Variants in ZNF480 observed in about 807,000 individuals in gnomAD.
ZNF480 encodes the protein zinc finger protein 480.
In ZNF480, 15 loss-of-function variants were observed where a neutral mutation model predicts 14.4. The observed-to-expected ratio is 1.04, with a 90% confidence interval of 0.70 to 1.60. The LOEUF is 1.60. ZNF480 is among the 40% of genes most tolerant of loss of function. ZNF480 has a pLI of 0.00. For missense variants in ZNF480, 593 were observed against 629.7 expected (o/e 0.94, Z 0.62); for synonymous variants, 218 against 215.5 (o/e 1.01, Z -0.10).
At chr19:52,304,062 A>G (rs1018111077) in intron 2 of ZNF480, among the ~76,000 whole-genome samples, 1 of 152,210 alleles carries the variant, frequency 6.6e-6, no homozygotes, top group Admixed American at 6.5e-5. Context: ...ATAATATAAC[A>G]CTGAAAATTT....
intron 2 of ZNF480, among the ~76,000 whole-genome samples, chr19:52,309,775 A>T (rs935976352): frequency 6.6e-6 from 1 of 152,122 alleles, no homozygotes; most frequent in African/African-American, 2.4e-5. Flanking sequence ...TTCTCACAAA[A>T]GTCAGTTGGC....
At chr19:52,303,776 G>A (rs1982802257) in intron 2 of ZNF480, among the ~76,000 whole-genome samples, 1 of 152,170 alleles carries the variant, frequency 6.6e-6, no homozygotes, top group Non-Finnish European at 1.5e-5. Flanking sequence ...CATGTCATAG[G>A]TAGGAATGCC....
chr19:52,306,598 T>C (rs1253090143), intron 2 of ZNF480, among the ~76,000 whole-genome samples: 2 of 152,232 alleles, frequency 1.3e-5, no homozygotes, highest in African/African-American at 4.8e-5. Flanking sequence ...GTAGGAATCA[T>C]TTGACTGGAG....
At position 52,325,191 on chromosome 19, in the gene ZNF480, G is replaced by A. The variant is rs1050958580; in HGVS notation, c.*2333G>A. ...TAATATCGCTAATCATTAAGGAAAT[G>A]CAATCAAAGCCACAATGAGATACCA... On this transcript the variant is annotated 3_prime_UTR_variant, in exon 5 of 5. Transcript: ENST00000595962. The A allele has an allele frequency of 6.6e-6, 1 of 152,170 alleles. No individual in the cohort carries two copies. The highest frequency in any genetic ancestry group is 1.5e-5 in the Non-Finnish European group (1 of 68,038). 9.4% of individuals were successfully genotyped at this position (152,170 alleles called of 1,614,324 possible).
At chr19:52,319,541 T>C (rs1261258491) in intron 4 of ZNF480, among the ~76,000 whole-genome samples, 1 of 152,212 alleles carries the variant, frequency 6.6e-6, no homozygotes, top group Non-Finnish European at 1.5e-5. Flanking sequence ...AATTTGCTTA[T>C]AATGTATCTC....
intron 2 of ZNF480, among the ~76,000 whole-genome samples, chr19:52,306,436 C>T (rs946900371): frequency 1.3e-5 from 2 of 152,162 alleles, no homozygotes; most frequent in African/African-American, 2.4e-5. Context: ...CCCCAGCCAC[C>T]GACTCCCAAA....
At chr19:52,301,124 G>A (rs1387365033) in intron 2 of ZNF480, 3 of 152,700 alleles carry the variant, frequency 2.0e-5, no homozygotes, top group Non-Finnish European at 4.4e-5. Flanking sequence ...AAGTGACAAA[G>A]GCAAAGGCTG....
chr19:52,319,253 G>T (rs1161518293), intron 4 of ZNF480, among the ~76,000 whole-genome samples: 1 of 152,120 alleles, frequency 6.6e-6, no homozygotes, highest in African/African-American at 2.4e-5. Context: ...AGGGCTCCCT[G>T]TAGCATTTCT....
At position 52,321,701 on chromosome 19, in the gene ZNF480, T is replaced by G; in HGVS notation, c.451T>G (p.Cys151Gly). Reference sequence around the variant, plus strand: ...TCCAGATGAAAGGGTAATAAATGGATGTAATCAAGTTGAAAACTTTATCAA... The same window carrying G: ...TCCAGATGAAAGGGTAATAAATGGAGGTAATCAAGTTGAAAACTTTATCAA... ...LFPDERVING[C>G]NQVENFINHS... is the part of the protein sequence containing the mutation. Residue 151 changes from cysteine to glycine, a missense_variant, in exon 5 of 5, where the codon TGT (cysteine) becomes GGT (glycine). Transcript: ENST00000595962. The G allele has an allele frequency of 6.2e-7, 1 of 1,614,102 alleles. No homozygotes were observed. The highest frequency in any genetic ancestry group is 8.5e-7 in the Non-Finnish European group (1 of 1,179,968).
rs149465703 is a variant in ZNF480, at chr19:52,320,306, A to G, written c.329-1273A>G. 2.1e-4 allele frequency among the ~76,000 whole-genome samples: 32 copies of G among 152,112 alleles called. No homozygotes were observed. In the East Asian group the frequency reaches 5.8e-3, roughly 28 times the overall value. Reference sequence around the variant, plus strand: ...TTTTTCTGATTTCATTTAGTTGTCTATCTCTCCTTGATATCTTTTAGCTCA... The same window carrying G: ...TTTTTCTGATTTCATTTAGTTGTCTGTCTCTCCTTGATATCTTTTAGCTCA... On this transcript the variant is annotated intron_variant, in intron 4 of 4. Transcript: ENST00000595962.
intron 1 of ZNF480, among the ~76,000 whole-genome samples, chr19:52,298,628 T>C (rs1982535085): frequency 6.8e-6 from 1 of 147,058 alleles, no homozygotes; most frequent in African/African-American, 2.5e-5. Context: ...CAAAACTCCG[T>C]CTCAGGGAAA....
At chr19:52,309,911 T>G (rs1983186652) in intron 2 of ZNF480, among the ~76,000 whole-genome samples, 1 of 152,202 alleles carries the variant, frequency 6.6e-6, no homozygotes, top group African/African-American at 2.4e-5. Flanking sequence ...CTGGAATGTC[T>G]TCTAGTTAGG....
chr19:52,315,988 A>G (rs1983534528), intron 4 of ZNF480, 26 bp downstream of exon 4: 1 of 1,555,908 alleles, frequency 6.4e-7, no homozygotes, highest in Non-Finnish European at 8.7e-7. Flanking sequence ...GGCATGGTGG[A>G]AGCCATGCTG....
chr19:52,315,070 C>T lies in ZNF480; in HGVS notation c.200-764C>T, dbSNP rs12611025. On this transcript the variant is annotated intron_variant, in intron 3 of 4. Transcript: ENST00000595962. ...CTCTGCCTCCCAGGCTTAAGCAATTCGCCTTAGCCTCCCTAGTAACTGGGA... is the reference window on the plus strand; with the variant it reads ...CTCTGCCTCCCAGGCTTAAGCAATTTGCCTTAGCCTCCCTAGTAACTGGGA... Among the ~76,000 whole-genome samples the T allele has an allele frequency of 4.3e-4, 66 of 152,178 alleles. No homozygotes were observed. In the East Asian group the frequency reaches 0.01, roughly 23 times the overall value.
chr19:52,318,971 C>A (rs1376585087), intron 4 of ZNF480, among the ~76,000 whole-genome samples: 1 of 152,006 alleles, frequency 6.6e-6, no homozygotes, highest in African/African-American at 2.4e-5. Context: ...TCAAGTGATT[C>A]TCCTGCCTCA....
chr19:52,315,281 C>T (rs772186035), intron 3 of ZNF480, among the ~76,000 whole-genome samples: 8 of 151,734 alleles, frequency 5.3e-5, no homozygotes, highest in Non-Finnish European at 8.8e-5. Flanking sequence ...TTTCAGATAC[C>T]CACTTCCCTG....
chr19:52,322,491 T>C lies in ZNF480; in HGVS notation c.1241T>C (p.Leu414Pro), dbSNP rs757538014. 16 of 1,613,940 alleles carry C rather than the reference T, an allele frequency of 9.9e-6. No homozygotes were observed. Among genetic ancestry groups the C allele is most frequent in the Non-Finnish European group, 1.3e-5 (15 of 1,179,940 alleles). The change falls in exon 5 of 5, where the codon CTT becomes CCT. Residue 414 changes from leucine to proline, a missense_variant. Transcript: ENST00000595962. Reference protein sequence around the residue: ...CGKVFNQLSNLARHRRIHTGE... With the variant: ...CGKVFNQLSNPARHRRIHTGE... ...AAAGTATTTAATCAACTTTCAAATC[T>C]TGCACGACATCGAAGAATTCATACT...
intron 2 of ZNF480, among the ~76,000 whole-genome samples, chr19:52,304,926 G>A (rs773008494): frequency 3.3e-5 from 5 of 151,832 alleles, no homozygotes; most frequent in Non-Finnish European, 7.4e-5. Flanking sequence ...GTGAAACCCC[G>A]TCTCTACTAA....
At position 52,314,203 on chromosome 19, in the gene ZNF480, G is replaced by T; in HGVS notation, c.123G>T (p.Trp41Cys). ...DVAIEFSQAE[W>C]KCLDPAQRAL... ...CCATAGAATTCTCTCAGGCGGAGTG[G>T]AAATGCCTGGACCCTGCACAGAGGG... is the stretch of plus-strand genomic sequence containing the variant. Residue 41 changes from tryptophan (W) to cysteine (C), a missense_variant, in exon 3 of 5, where the codon TGG becomes TGT. Transcript: ENST00000595962. 6.3e-7 allele frequency: 1 copy of T among 1,584,852 alleles called. No homozygotes were observed. The highest frequency in any genetic ancestry group is 8.6e-7 in the Non-Finnish European group (1 of 1,161,504).
Sources: gnomAD v4.1 joint callset for allele counts (sites outside exome capture counted in the v4.1 genomes callset) on GRCh38, gnomAD v4.1.1 for gene constraint, MANE v1.5 for transcripts, NCBI Gene and HGNC (gene_info 2026-07-23, HGNC 2026-07-21) for gene names.